RBMS1: variants seen among roughly 807,000 people sequenced by gnomAD.
The protein encoded by RBMS1 is RNA binding motif single stranded interacting protein 1.
In RBMS1, 17 loss-of-function variants were observed where a neutral mutation model predicts 62.3. The ratio of observed to expected loss-of-function variants is 0.27; its 90% CI spans 0.19 to 0.41. The LOEUF (loss-of-function observed/expected upper bound fraction) is 0.41, where lower values mean the gene tolerates loss of function less well. Ranked by LOEUF, RBMS1 falls within the 10% of genes least tolerant of loss-of-function variation. RBMS1 has a pLI of 1.00. For missense variants in RBMS1, 334 were observed against 504.5 expected (o/e 0.66, Z 3.24); for synonymous variants, 172 against 170.0 (o/e 1.01, Z -0.09).
At chr2:160,469,834 C>T (rs1204527478) in intron 1 of RBMS1, among the ~76,000 whole-genome samples, 11 of 152,172 alleles carry the variant, frequency 7.2e-5, no homozygotes, top group Non-Finnish European at 1.2e-4. Context: ...ATAAAGGAGA[C>T]GAAAAGTTGA....
chr2:160,478,821 TG>T, intron 1 of RBMS1, among the ~76,000 whole-genome samples: 1 of 152,372 alleles, frequency 6.6e-6, no homozygotes, highest in East Asian at 1.9e-4. Context: ...CTGTGCATTT[TG>T]TTTTTCCAAG....
intron 1 of RBMS1, among the ~76,000 whole-genome samples, chr2:160,464,070 G>T (rs1684580132): frequency 6.6e-6 from 1 of 152,166 alleles, no homozygotes. Flanking sequence ...TCTCCTATAT[G>T]CCAGTGGAAG....
chr2:160,461,358 G>A (rs1418846954), intron 1 of RBMS1, among the ~76,000 whole-genome samples: 2 of 152,224 alleles, frequency 1.3e-5, no homozygotes. Flanking sequence ...ATTCTCTGAT[G>A]AAAAGAATAA....
intron 2 of RBMS1, among the ~76,000 whole-genome samples, chr2:160,320,791 T>G (rs1328454736): frequency 6.6e-6 from 1 of 152,114 alleles, no homozygotes; most frequent in African/African-American, 2.4e-5. Context: ...ATAAACCTTT[T>G]CTTTTAACAA....
At chr2:160,313,100 C>G in intron 4 of RBMS1, 56 bp downstream of exon 4, 1 of 1,531,560 alleles carries the variant, frequency 6.5e-7, no homozygotes, top group Non-Finnish European at 9.0e-7. Flanking sequence ...GCAGACCTGT[C>G]GGGCTTCACA....
At chr2:160,421,550 A>T (rs1057243027) in intron 1 of RBMS1, among the ~76,000 whole-genome samples, 1 of 152,140 alleles carries the variant, frequency 6.6e-6, no homozygotes, top group African/African-American at 2.4e-5. Flanking sequence ...TCTATCATTG[A>T]TGGACATTTG....
At chr2:160,325,444 T>C (rs912149310) in intron 2 of RBMS1, among the ~76,000 whole-genome samples, 2 of 152,094 alleles carry the variant, frequency 1.3e-5, no homozygotes, top group African/African-American at 2.4e-5. Context: ...GGACTACAAA[T>C]CTATTTGAGG....
At chr2:160,417,155 A>G (rs1270685339) in intron 1 of RBMS1, among the ~76,000 whole-genome samples, 1 of 152,162 alleles carries the variant, frequency 6.6e-6, no homozygotes, top group Non-Finnish European at 1.5e-5. Flanking sequence ...ACACACACGC[A>G]TGCACACACA....
chr2:160,426,297 A>AAGAAAGAAGGAAG (rs1682606327), intron 1 of RBMS1, among the ~76,000 whole-genome samples: 23 of 56,126 alleles, frequency 4.1e-4, no homozygotes, highest in Admixed American at 1.7e-3. Context: ...AAGAAAAGAA[A>AAGAAAGAAGGAAG]GAAGGAAGGA....
At chr2:160,340,042 G>A (rs1277021005) in intron 2 of RBMS1, among the ~76,000 whole-genome samples, 1 of 152,096 alleles carries the variant, frequency 6.6e-6, no homozygotes, top group Non-Finnish European at 1.5e-5. Context: ...TTCAGTATTA[G>A]CCAATCAACT....
At chr2:160,320,903 G>A (rs896594007) in intron 2 of RBMS1, among the ~76,000 whole-genome samples, 2 of 152,088 alleles carry the variant, frequency 1.3e-5, no homozygotes, top group African/African-American at 4.8e-5. Context: ...CTTTTAGACT[G>A]TATCCCTGTT....
chr2:160,446,915 C>T (rs972441514), intron 1 of RBMS1, among the ~76,000 whole-genome samples: 3 of 152,176 alleles, frequency 2.0e-5, no homozygotes, highest in South Asian at 2.1e-4. Context: ...TACTGATTGG[C>T]GCCTGAAAGT....
chr2:160,407,906 G>A (rs1398603864), intron 1 of RBMS1: 1 of 980,750 alleles, frequency 1.0e-6, no homozygotes, highest in Non-Finnish European at 1.2e-6. Context: ...ACCGCCCTGA[G>A]AGCGCGCCGG....
intron 1 of RBMS1, among the ~76,000 whole-genome samples, chr2:160,419,390 C>T (rs1316459687): frequency 2.0e-5 from 3 of 152,196 alleles, no homozygotes; most frequent in East Asian, 3.9e-4. Flanking sequence ...TAGTGACTGA[C>T]AGATTTTTTA....
At chr2:160,486,341 A>T (rs1300735841) in intron 1 of RBMS1, among the ~76,000 whole-genome samples, 1 of 152,098 alleles carries the variant, frequency 6.6e-6, no homozygotes, top group African/African-American at 2.4e-5. Context: ...TGATGTATCC[A>T]TCCAATTCTG....
intron 1 of RBMS1, among the ~76,000 whole-genome samples, chr2:160,415,101 C>T (rs1052535607): frequency 2.6e-5 from 4 of 151,884 alleles, no homozygotes; most frequent in Admixed American, 1.3e-4. Context: ...ATGTCTCAAT[C>T]TTCTATACTC....
At chr2:160,463,372 T>C (rs953524310) in intron 1 of RBMS1, among the ~76,000 whole-genome samples, 2 of 152,220 alleles carry the variant, frequency 1.3e-5, no homozygotes, top group African/African-American at 2.4e-5. Flanking sequence ...TTCAGGCTGA[T>C]ACAAGACTAA....
intron 6 of RBMS1, 41 bp from the exon 7 acceptor site, chr2:160,287,125 C>A: frequency 1.9e-6 from 3 of 1,606,158 alleles, no homozygotes; most frequent in Non-Finnish European, 1.7e-6. Context: ...CACAATGATA[C>A]GTGTATGTGG....
At chr2:160,319,228 A>G (rs1690407038) in intron 2 of RBMS1, among the ~76,000 whole-genome samples, 1 of 152,162 alleles carries the variant, frequency 6.6e-6, no homozygotes. Flanking sequence ...AAATCAAAGT[A>G]AGGCTGGGCA....
Sources: allele counts gnomAD v4.1 joint callset (sites outside exome capture counted in the v4.1 genomes callset), GRCh38; gene constraint gnomAD v4.1.1; transcripts MANE v1.5; gene names NCBI Gene and HGNC (gene_info 2026-07-23, HGNC 2026-07-21).